NKX1-2: variants seen among roughly 807,000 people sequenced by gnomAD.
The protein encoded by NKX1-2 is NK1 transcription factor-related protein 2.
In NKX1-2, 1 loss-of-function variant was observed where a neutral mutation model predicts 4.4. That is an observed-to-expected ratio of 0.23 (90% CI 0.08 to 1.08). The LOEUF (loss-of-function observed/expected upper bound fraction) is 1.08, where lower values mean the gene tolerates loss of function less well. NKX1-2 is among the 50% of genes least tolerant of loss of function. The probability of loss-of-function intolerance (pLI) is 0.55; values close to 1 mark genes in which losing one functional copy is unlikely to be tolerated. For missense variants in NKX1-2, 503 were observed against 464.6 expected (o/e 1.08, Z -0.76); for synonymous variants, 235 against 228.0 (o/e 1.03, Z -0.28).
Position 124,445,776 on chromosome 10 carries a change from A to T in NKX1-2, c.*1653T>A. The T allele has an allele frequency of 6.6e-6, 1 of 152,366 alleles. No homozygotes were observed. Among genetic ancestry groups the T allele is most frequent in the Non-Finnish European group, 1.5e-5 (1 of 68,042 alleles). 9.4% of individuals were successfully genotyped at this position (152,366 alleles called of 1,614,324 possible). A position where few individuals can be genotyped will look rare whatever the true frequency, so the allele number is the denominator to read the frequency against. The stretch of plus-strand genomic sequence containing the variant: ...AGAGTCTAATTAGTGGATATTAAGT[A>T]ATTAAATAATACATACTATCAAATA... On this transcript the variant is annotated 3_prime_UTR_variant, in exon 2 of 2. Coordinates refer to ENST00000451024, the MANE Select transcript of NKX1-2 (RefSeq NM_001146340.3).
rs1249030732 is a variant in NKX1-2 at position 124,448,714 on chromosome 10, G to C, written c.215-567C>G. 1 of 152,466 alleles carries C rather than the reference G, an allele frequency of 6.6e-6. No homozygotes were observed. Among genetic ancestry groups the C allele is most frequent in the Non-Finnish European group, 1.5e-5 (1 of 68,290 alleles). The allele number at this position is 152,466 out of a possible 1,614,324, so 9.4% of individuals were successfully genotyped here. A position where few individuals can be genotyped will look rare whatever the true frequency, so the allele number is the denominator to read the frequency against. ...GGTAAGTTTTAATCGAACAATATTA[G>C]GATCAGACAGGGAAAGGGGGTTTGA... On this transcript the variant is annotated intron_variant, in intron 1 of 1. Transcript: ENST00000451024. This position sits in a 1 kb window ranked among gnomAD's most constrained non-coding sequence, Gnocchi z 4.1.
In NKX1-2 at chr10:124,449,248, G is replaced by A. The variant is rs983297778; in HGVS notation, c.214+482C>T. 6.6e-5 allele frequency among the ~76,000 whole-genome samples: 10 copies of A among 152,284 alleles called. No homozygotes were observed. The highest frequency in any genetic ancestry group is 2.2e-4 in the African/African-American group (9 of 41,570). ...CCAGCCCCGCAGGCGTCTCCGGGTG[G>A]CACCTGACCTCGCTACTCACGAAGA... On this transcript the variant is annotated intron_variant, in intron 1 of 1. Transcript: ENST00000451024. The surrounding 1 kb of genome is among the most constrained non-coding windows in gnomAD (Gnocchi z 7.5).
chr10:124,448,207 C>G lies in NKX1-2; in HGVS notation c.215-60G>C, dbSNP rs879754327. 5 of 1,386,618 alleles carry G rather than the reference C, an allele frequency of 3.6e-6. No homozygotes were observed. Among genetic ancestry groups the G allele is most frequent in the Non-Finnish European group, 4.6e-6 (5 of 1,076,388 alleles). The allele number at this position is 1,386,618 out of a possible 1,614,324, so 85.9% of individuals were successfully genotyped here. On this transcript the variant is annotated intron_variant, in intron 1 of 1. Coordinates refer to ENST00000451024, the MANE Select transcript of NKX1-2 (RefSeq NM_001146340.3). The surrounding 1 kb of genome is among the most constrained non-coding windows in gnomAD (Gnocchi z 4.1). ...CCAGGTCCCCAAACCTCGTCCTCGT[C>G]CTCCCTAGAGCAAGCAGCTGTCCCC... is the stretch of plus-strand genomic sequence containing the variant.
rs1294778474 is a variant in NKX1-2, at chr10:124,449,518, G to A, written c.214+212C>T. ...CGGGTGAGCTTGGCGGGTGAGCAGG[G>A]ATGCGGCAAATCCCTGCCCTGTAAT... is the stretch of plus-strand genomic sequence containing the variant. On this transcript the variant is annotated intron_variant, in intron 1 of 1. Coordinates refer to ENST00000451024, the MANE Select transcript of NKX1-2 (RefSeq NM_001146340.3). This position sits in a 1 kb window ranked among gnomAD's most constrained non-coding sequence, Gnocchi z 7.5. The A allele has an allele frequency of 7.2e-6, 5 of 699,012 alleles. No homozygotes were observed. The highest frequency in any genetic ancestry group is 2.0e-5 in the Admixed American group (1 of 49,894). The allele number at this position is 699,012 out of a possible 1,614,324, so 43.3% of individuals were successfully genotyped here. A position where few individuals can be genotyped will look rare whatever the true frequency, so the allele number is the denominator to read the frequency against.
Position 124,448,868 on chromosome 10 carries a change from G to A in NKX1-2, c.215-721C>T, listed in dbSNP as rs968076790. On this transcript the variant is annotated intron_variant, in intron 1 of 1. Coordinates refer to ENST00000451024, the MANE Select transcript of NKX1-2 (RefSeq NM_001146340.3). This position sits in a 1 kb window ranked among gnomAD's most constrained non-coding sequence, Gnocchi z 4.1. ...CGAACAATTACCAGGCCGCCTGCCT[G>A]GGCCCAAGTGCGGCCGCCAGAGGCG... 1.5e-4 allele frequency among the ~76,000 whole-genome samples: 23 copies of A among 152,178 alleles called. No homozygotes were observed. Among genetic ancestry groups the A allele is most frequent in the African/African-American group, 5.6e-4 (23 of 41,436 alleles).
At position 124,448,118 on chromosome 10, in the gene NKX1-2, A is replaced by G; in HGVS notation, c.244T>C (p.Ser82Pro). The change falls in exon 2 of 2, where the codon TCC becomes CCC. Residue 82 changes from serine (S) to proline (P), a missense_variant. Coordinates refer to ENST00000451024, the MANE Select transcript of NKX1-2 (RefSeq NM_001146340.3). This position sits in a 1 kb window ranked among gnomAD's most constrained non-coding sequence, Gnocchi z 4.1. ...TCCGCCTCGGAACCCTCCAGGGGGG[A>G]CGCCTGGCCGGCGCCTGGGCCCGCA... The part of the protein sequence containing the change: ...DAAGPGAGQA[S>P]PLEGSEAEEE... 6.7e-7 allele frequency: 1 copy of G among 1,494,584 alleles called. No homozygotes were observed. 92.6% of individuals were successfully genotyped at this position (1,494,584 alleles called of 1,614,324 possible).
Position 124,447,463 on chromosome 10 carries a change from G to A in NKX1-2, c.899C>T (p.Ser300Phe). The change falls in exon 2 of 2, where the codon TCC becomes TTC. Residue 300 changes from serine to phenylalanine, a missense_variant. Coordinates refer to ENST00000451024, the MANE Select transcript of NKX1-2 (RefSeq NM_001146340.3). The stretch of plus-strand genomic sequence containing the variant: ...CGGGGCGTAGAAGGGGGTCAGGTAG[G>A]AAGGCCCAAGGAACGGCGCGAAAGG... ...GSPFAPFLGP[S>F]YLTPFYAPRL The A allele has an allele frequency of 1.6e-6, 2 of 1,263,394 alleles. No homozygotes were observed. The highest frequency in any genetic ancestry group is 2.0e-6 in the Non-Finnish European group (2 of 998,492). The allele number at this position is 1,263,394 out of a possible 1,614,324, so 78.3% of individuals were successfully genotyped here. A position where few individuals can be genotyped will look rare whatever the true frequency, so the allele number is the denominator to read the frequency against.
In NKX1-2 at chr10:124,448,355, G is replaced by T; in HGVS notation, c.215-208C>A. The T allele has an allele frequency of 1.4e-6, 1 of 714,524 alleles. No homozygotes were observed. The highest frequency in any genetic ancestry group is 1.9e-6 in the Non-Finnish European group (1 of 513,230). The allele number at this position is 714,524 out of a possible 1,614,324, so 44.3% of individuals were successfully genotyped here. ...TTGCCCTTTACAAATCTGCCATCAA[G>T]TAGGCGTCCAAGAAATGTACGCCAA... On this transcript the variant is annotated intron_variant, in intron 1 of 1. Transcript: ENST00000451024. This position sits in a 1 kb window ranked among gnomAD's most constrained non-coding sequence, Gnocchi z 4.1.
Position 124,449,268 on chromosome 10 carries a change from C to G in NKX1-2, c.214+462G>C, listed in dbSNP as rs1952274297. ...GGGTGGCACCTGACCTCGCTACTCA[C>G]GAAGACCCCCGGCGCAAGCCTTAGC... On this transcript the variant is annotated intron_variant, in intron 1 of 1. Coordinates refer to ENST00000451024, the MANE Select transcript of NKX1-2 (RefSeq NM_001146340.3). The surrounding 1 kb of genome is among the most constrained non-coding windows in gnomAD (Gnocchi z 7.5). 6.6e-6 allele frequency among the ~76,000 whole-genome samples: 1 copy of G among 152,216 alleles called. No individual in the cohort carries two copies. Among genetic ancestry groups the G allele is most frequent in the Non-Finnish European group, 1.5e-5 (1 of 68,046 alleles).
Position 124,448,965 on chromosome 10 carries a change from CG to C in NKX1-2, c.214+764del, listed in dbSNP as rs1011310664. On this transcript the variant is annotated intron_variant, in intron 1 of 1. Transcript: ENST00000451024. The surrounding 1 kb of genome is among the most constrained non-coding windows in gnomAD (Gnocchi z 4.1). ...GGGCTGCGCGGCATCCAGCCTCCCC[CG>C]ATGACCTGAGCCTCTGACCCTCCAG... 2.6e-5 allele frequency among the ~76,000 whole-genome samples: 4 copies of C among 152,190 alleles called. No individual in the cohort carries two copies. Among genetic ancestry groups the C allele is most frequent in the Admixed American group, 2.6e-4 (4 of 15,286 alleles).
rs1381150862 is a variant in NKX1-2 at position 124,449,506 on chromosome 10, C to T, written c.214+224G>A. On this transcript the variant is annotated intron_variant, in intron 1 of 1. Transcript: ENST00000451024. The surrounding 1 kb of genome is among the most constrained non-coding windows in gnomAD (Gnocchi z 7.5). ...AGAACTGTGGTGCGGGTGAGCTTGG[C>T]GGGTGAGCAGGGATGCGGCAAATCC... 1.4e-6 allele frequency: 1 copy of T among 696,240 alleles called. No homozygotes were observed. The highest frequency in any genetic ancestry group is 2.0e-5 in the Admixed American group (1 of 49,822). 43.1% of individuals were successfully genotyped at this position (696,240 alleles called of 1,614,324 possible). A position where few individuals can be genotyped will look rare whatever the true frequency, so the allele number is the denominator to read the frequency against.
rs1424804205 is a variant in NKX1-2 at position 124,449,365 on chromosome 10, A to G, written c.214+365T>C. 1.6e-5 allele frequency: 8 copies of G among 507,042 alleles called. No homozygotes were observed. The highest frequency in any genetic ancestry group is 1.5e-5 in the Non-Finnish European group (4 of 258,170). The allele number at this position is 507,042 out of a possible 1,614,324, so 31.4% of individuals were successfully genotyped here. A position where few individuals can be genotyped will look rare whatever the true frequency, so the allele number is the denominator to read the frequency against. ...CCATCTCTCAGGTTCCGAAGTTTTC[A>G]TCACCTTTATCCCAGCCCTTAGCCC... On this transcript the variant is annotated intron_variant, in intron 1 of 1. Transcript: ENST00000451024. The surrounding 1 kb of genome is among the most constrained non-coding windows in gnomAD (Gnocchi z 7.5).
Position 124,449,768 on chromosome 10 carries a change from G to T in NKX1-2, c.176C>A (p.Ala59Asp), listed in dbSNP as rs1952278583. Residue 59 changes from alanine to aspartate, a missense_variant, in exon 1 of 2, where the codon GCC (alanine) becomes GAC (aspartate). Physicochemically the swap from Ala to Asp is moderately radical, Grantham distance 126. Transcript: ENST00000451024. This position sits in a 1 kb window ranked among gnomAD's most constrained non-coding sequence, Gnocchi z 7.5. ...SLAEVEAGKD[A>D]SSRDPVRQLE... ...CTGTCGGACAGGGTCCCTGGAGCTGGCATCTTTCCCCGCTTCGACCTCCGC... is the reference window on the plus strand; with the variant it reads ...CTGTCGGACAGGGTCCCTGGAGCTGTCATCTTTCCCCGCTTCGACCTCCGC... The T allele has an allele frequency of 3.9e-6, 6 of 1,551,622 alleles. No individual in the cohort carries two copies. Among genetic ancestry groups the T allele is most frequent in the Non-Finnish European group, 4.4e-6 (5 of 1,146,952 alleles).
Position 124,448,123 on chromosome 10 carries a change from T to C in NKX1-2, c.239A>G (p.Gln80Arg). ...CTCGGAACCCTCCAGGGGGGACGCC[T>C]GGCCGGCGCCTGGGCCCGCAGCATC... Reference protein sequence around the residue: ...TPDAAGPGAGQASPLEGSEAE... With the variant: ...TPDAAGPGAGRASPLEGSEAE... Residue 80 changes from glutamine to arginine, a missense_variant, in exon 2 of 2, where the codon CAG (glutamine) becomes CGG (arginine). Gln to Arg is a conservative substitution (Grantham distance 43). Coordinates refer to ENST00000451024, the MANE Select transcript of NKX1-2 (RefSeq NM_001146340.3). This position sits in a 1 kb window ranked among gnomAD's most constrained non-coding sequence, Gnocchi z 4.1. 6.7e-7 allele frequency: 1 copy of C among 1,495,346 alleles called. No homozygotes were observed. The highest frequency in any genetic ancestry group is 8.9e-7 in the Non-Finnish European group (1 of 1,128,962). 92.6% of individuals were successfully genotyped at this position (1,495,346 alleles called of 1,614,324 possible).
chr10:124,448,679 A>G lies in NKX1-2; in HGVS notation c.215-532T>C, dbSNP rs1186693650. 6.6e-6 allele frequency: 1 copy of G among 152,068 alleles called. No homozygotes were observed. Among genetic ancestry groups the G allele is most frequent in the Non-Finnish European group, 1.5e-5 (1 of 68,124 alleles). The allele number at this position is 152,068 out of a possible 1,614,324, so 9.4% of individuals were successfully genotyped here. Reference sequence around the variant, plus strand: ...GTGCGGGGCCGGATCGATAGATGTCATCTATTAAAGGTAAGTTTTAATCGA... The same window carrying G: ...GTGCGGGGCCGGATCGATAGATGTCGTCTATTAAAGGTAAGTTTTAATCGA... On this transcript the variant is annotated intron_variant, in intron 1 of 1. Coordinates refer to ENST00000451024, the MANE Select transcript of NKX1-2 (RefSeq NM_001146340.3). This position sits in a 1 kb window ranked among gnomAD's most constrained non-coding sequence, Gnocchi z 4.1.
Position 124,448,415 on chromosome 10 carries a change from G to A in NKX1-2, c.215-268C>T, listed in dbSNP as rs1017707570. On this transcript the variant is annotated intron_variant, in intron 1 of 1. Transcript: ENST00000451024. This position sits in a 1 kb window ranked among gnomAD's most constrained non-coding sequence, Gnocchi z 4.1. ...TGACACCCCGCATTAAGAAAAAATA[G>A]TGACATTATTGGGTAACCATACTGG... The A allele has an allele frequency of 5.6e-5, 22 of 391,688 alleles. No individual in the cohort carries two copies. Among genetic ancestry groups the A allele is most frequent in the African/African-American group, 4.1e-4 (20 of 48,348 alleles). 24.3% of individuals were successfully genotyped at this position (391,688 alleles called of 1,614,324 possible).
At position 124,447,424 on chromosome 10, in the gene NKX1-2, C is replaced by G. The variant is rs890519617; in HGVS notation, c.*5G>C. On this transcript the variant is annotated 3_prime_UTR_variant, in exon 2 of 2. Transcript: ENST00000451024. ...CCGCGAAAGAGGGGCCAGGGGGCTCCGGATTCATAGACGCGGGGCGTAGAA... is the reference window on the plus strand; with the variant it reads ...CCGCGAAAGAGGGGCCAGGGGGCTCGGGATTCATAGACGCGGGGCGTAGAA... 3 of 1,246,986 alleles carry G rather than the reference C, an allele frequency of 2.4e-6. No individual in the cohort carries two copies. Among genetic ancestry groups the G allele is most frequent in the Non-Finnish European group, 3.0e-6 (3 of 987,360 alleles). The allele number at this position is 1,246,986 out of a possible 1,614,324, so 77.2% of individuals were successfully genotyped here.
In NKX1-2 at chr10:124,449,724, T is replaced by A; in HGVS notation, c.214+6A>T. The A allele has an allele frequency of 6.5e-7, 1 of 1,548,854 alleles. No individual in the cohort carries two copies. The highest frequency in any genetic ancestry group is 8.7e-7 in the Non-Finnish European group (1 of 1,144,796). On this transcript the variant is annotated splice_donor_region_variant and intron_variant, in intron 1 of 1. Transcript: ENST00000451024. The surrounding 1 kb of genome is among the most constrained non-coding windows in gnomAD (Gnocchi z 7.5). ...CTCCTGGGGCCGGGGCCGCCTTGCATCTTACCAGGGGTCTCCAGCTGTCGG... is the reference window on the plus strand; with the variant it reads ...CTCCTGGGGCCGGGGCCGCCTTGCAACTTACCAGGGGTCTCCAGCTGTCGG...
At position 124,449,787 on chromosome 10, in the gene NKX1-2, C is replaced by A. The variant is rs1490029985; in HGVS notation, c.157G>T (p.Val53Phe). ...GAGCTGGCATCTTTCCCCGCTTCGACCTCCGCCAAACTTTTCCTGGCTTCC... is the reference window on the plus strand; with the variant it reads ...GAGCTGGCATCTTTCCCCGCTTCGAACTCCGCCAAACTTTTCCTGGCTTCC... ...PREARKSLAE[V>F]EAGKDASSRD... The change falls in exon 1 of 2, where the codon GTC becomes TTC. Residue 53 changes from valine to phenylalanine, a missense_variant. Transcript: ENST00000451024. The surrounding 1 kb of genome is among the most constrained non-coding windows in gnomAD (Gnocchi z 7.5). The A allele has an allele frequency of 1.3e-6, 2 of 1,551,746 alleles. No individual in the cohort carries two copies. The highest frequency in any genetic ancestry group is 2.0e-5 in the Admixed American group (1 of 51,012).
Sources: gnomAD v4.1 joint callset for allele counts (sites outside exome capture counted in the v4.1 genomes callset) on GRCh38, gnomAD v4.1.1 for gene constraint, Gnocchi (gnomAD v3.1) non-coding constraint, MANE v1.5 for transcripts, NCBI Gene and HGNC (gene_info 2026-07-23, HGNC 2026-07-21) for gene names.